PARD3B: variants seen among roughly 807,000 people sequenced by gnomAD.
The protein encoded by PARD3B is par-3 family cell polarity regulator beta, also known as partitioning defective 3 homolog B.
PARD3B carries 103 observed loss-of-function variants against 130.2 expected under a neutral mutation model. The ratio of observed to expected loss-of-function variants is 0.79; its 90% CI spans 0.67 to 0.93. The LOEUF (loss-of-function observed/expected upper bound fraction) is 0.93. Among genes scored for constraint, PARD3B ranks in the 40% least tolerant of loss-of-function variants. PARD3B has a pLI of 0.00. For missense variants in PARD3B, 1,609 were observed against 1,499.2 expected, an observed-to-expected ratio of 1.07 and a Z score of -1.21; for synonymous variants, 583 against 553.2, an observed-to-expected ratio of 1.05 and a Z score of -0.76.
intron 15 of PARD3B, among the ~76,000 whole-genome samples, chr2:205,239,248 A>T (rs1295154948): frequency 6.6e-6 from 1 of 152,036 alleles, no homozygotes; most frequent in Non-Finnish European, 1.5e-5. Context: ...CCAGGAGTAA[A>T]GGTGTTCTAG....
chr2:205,447,138 A>G (rs1559103075), intron 20 of PARD3B, among the ~76,000 whole-genome samples: 1 of 152,216 alleles, frequency 6.6e-6, no homozygotes, highest in South Asian at 2.1e-4. Flanking sequence ...GACATATACC[A>G]AATAGAGAAA....
chr2:205,348,832 G>T (rs1464615346), intron 18 of PARD3B, among the ~76,000 whole-genome samples: 1 of 151,928 alleles, frequency 6.6e-6, no homozygotes. Context: ...GATTTTTATT[G>T]TACACTGGAA....
chr2:205,579,663 T>C (rs887503218), intron 22 of PARD3B, among the ~76,000 whole-genome samples: 1 of 152,220 alleles, frequency 6.6e-6, no homozygotes, highest in Non-Finnish European at 1.5e-5. Context: ...CCTTGCCTGA[T>C]TTAAGGTGGC....
At chr2:204,692,926 A>G (rs1305124509) in intron 2 of PARD3B, among the ~76,000 whole-genome samples, 1 of 152,048 alleles carries the variant, frequency 6.6e-6, no homozygotes, top group African/African-American at 2.4e-5. Context: ...GAGGTTATAG[A>G]ACACGATGTC....
chr2:204,614,923 C>G (rs1290879380), intron 1 of PARD3B, among the ~76,000 whole-genome samples: 1 of 152,116 alleles, frequency 6.6e-6, no homozygotes, highest in Non-Finnish European at 1.5e-5. Context: ...ATTATGCAAT[C>G]TCAGGTATTT....
At chr2:205,094,505 A>T (rs1702291945) in intron 4 of PARD3B, among the ~76,000 whole-genome samples, 1 of 152,162 alleles carries the variant, frequency 6.6e-6, no homozygotes, top group Non-Finnish European at 1.5e-5. Context: ...GGCTTCCTAA[A>T]TTTTGAGATT....
chr2:205,485,745 G>A lies in PARD3B; in HGVS notation c.3045-14151G>A, dbSNP rs953062920. Among the ~76,000 whole-genome samples the A allele has an allele frequency of 9.9e-5, 15 of 152,188 alleles. 1 individual carries two copies. Among genetic ancestry groups the A allele is most frequent in the Middle Eastern group, 6.8e-3 (2 of 294 alleles). ...CTCCACACATTCCCCACACTTGTGCGGTGCCTGACTGTGTGCCCTTTCATG... is the reference window on the plus strand; with the variant it reads ...CTCCACACATTCCCCACACTTGTGCAGTGCCTGACTGTGTGCCCTTTCATG... On this transcript the variant is annotated intron_variant, in intron 20 of 22. Coordinates refer to ENST00000406610, the MANE Select transcript of PARD3B (RefSeq NM_001302769.2).
intron 2 of PARD3B, among the ~76,000 whole-genome samples, chr2:204,761,143 A>G (rs2040880348): frequency 6.6e-6 from 1 of 152,234 alleles, no homozygotes; most frequent in Non-Finnish European, 1.5e-5. Context: ...CTGGGATGCA[A>G]ACCTAACTCC....
At chr2:205,240,368 A>C (rs1352189973) in intron 15 of PARD3B, among the ~76,000 whole-genome samples, 1 of 152,204 alleles carries the variant, frequency 6.6e-6, no homozygotes, top group Non-Finnish European at 1.5e-5. Context: ...GCCTCATTAG[A>C]AGATGTATTT....
chr2:205,331,126 G>T (rs955080395), intron 18 of PARD3B, among the ~76,000 whole-genome samples: 1 of 152,078 alleles, frequency 6.6e-6, no homozygotes, highest in South Asian at 2.1e-4. Flanking sequence ...TACATGTGAC[G>T]ACATATGCAC....
intron 15 of PARD3B, among the ~76,000 whole-genome samples, chr2:205,214,452 A>G (rs2037808205): frequency 6.6e-6 from 1 of 151,850 alleles, no homozygotes; most frequent in Non-Finnish European, 1.5e-5. Flanking sequence ...TGGGTCACAC[A>G]GTATTAGTTG....
chr2:205,007,737 A>G (rs1052645857), intron 3 of PARD3B, among the ~76,000 whole-genome samples: 1 of 152,100 alleles, frequency 6.6e-6, no homozygotes, highest in Non-Finnish European at 1.5e-5. Context: ...TGATGCTGGC[A>G]TTTTGATGGG....
intron 19 of PARD3B, among the ~76,000 whole-genome samples, chr2:205,419,711 C>A (rs145115023): frequency 6.6e-6 from 1 of 152,076 alleles, no homozygotes; most frequent in Non-Finnish European, 1.5e-5. Flanking sequence ...AGGAGGGAAA[C>A]GGGGAAAGGG....
chr2:204,742,279 T>C (rs2040042138), intron 2 of PARD3B, among the ~76,000 whole-genome samples: 1 of 152,244 alleles, frequency 6.6e-6, no homozygotes, highest in African/African-American at 2.4e-5. Flanking sequence ...TATATTTTTC[T>C]TGATTTTTAC....
At position 205,591,235 on chromosome 2, in the gene PARD3B, T is replaced by C. The variant is rs914930524; in HGVS notation, c.3261-24221T>C. 3.3e-5 allele frequency among the ~76,000 whole-genome samples: 5 copies of C among 152,294 alleles called. No individual in the cohort carries two copies. Among genetic ancestry groups the C allele is most frequent in the Admixed American group, 3.3e-4 (5 of 15,288 alleles). The stretch of plus-strand genomic sequence containing the variant: ...AGAGAGTGTACATTTTAGTGTATTT[T>C]GTATAAGTTTTTTCAATGAACATAG... On this transcript the variant is annotated intron_variant, in intron 22 of 22. Coordinates refer to ENST00000406610, the MANE Select transcript of PARD3B (RefSeq NM_001302769.2). The surrounding 1 kb of genome is among the most constrained non-coding windows in gnomAD (Gnocchi z 4.2).
chr2:205,300,814 C>T lies in PARD3B; in HGVS notation c.2392+78C>T. 4 of 1,353,564 alleles carry T rather than the reference C, an allele frequency of 3.0e-6. No homozygotes were observed. Among genetic ancestry groups the T allele is most frequent in the Non-Finnish European group, 4.1e-6 (4 of 981,228 alleles). The allele number at this position is 1,353,564 out of a possible 1,614,324, so 83.8% of individuals were successfully genotyped here. A position where few individuals can be genotyped will look rare whatever the true frequency, so the allele number is the denominator to read the frequency against. ...ATCATGGGCAAGAATGTGTGCTCAA[C>T]TACAGAAAAAAATGATTTAAGGATC... On this transcript the variant is annotated intron_variant, in intron 17 of 22. Coordinates refer to ENST00000406610, the MANE Select transcript of PARD3B (RefSeq NM_001302769.2). The surrounding 1 kb of genome is among the most constrained non-coding windows in gnomAD (Gnocchi z 4.1).
At chr2:204,934,152 A>C (rs1027766444) in intron 2 of PARD3B, among the ~76,000 whole-genome samples, 2 of 152,198 alleles carry the variant, frequency 1.3e-5, no homozygotes, top group Non-Finnish European at 2.9e-5. Flanking sequence ...TCTCTTCTGC[A>C]TCACTCTGCC....
chr2:205,045,883 T>G (rs1698743917), intron 3 of PARD3B, among the ~76,000 whole-genome samples: 1 of 152,160 alleles, frequency 6.6e-6, no homozygotes, highest in Admixed American at 6.6e-5. Context: ...TGTTCACTTC[T>G]GTGCCTCTAA....
chr2:205,546,499 A>G (rs1330834102), intron 21 of PARD3B, among the ~76,000 whole-genome samples: 1 of 152,020 alleles, frequency 6.6e-6, no homozygotes, highest in East Asian at 1.9e-4. Context: ...TTTTTTTGTG[A>G]TGAGGAAAAT....
Sources: allele counts gnomAD v4.1 joint callset (sites outside exome capture counted in the v4.1 genomes callset), GRCh38; gene constraint gnomAD v4.1.1; non-coding constraint Gnocchi (gnomAD v3.1); transcripts MANE v1.5; gene names NCBI Gene and HGNC (gene_info 2026-07-23, HGNC 2026-07-21).